The following SUGT1 variants were observed in gnomAD, a reference collection of about 807,000 sequenced individuals.
SUGT1 encodes protein SGT1 homolog.
Under a neutral mutation model 56.1 loss-of-function variants are expected in SUGT1, and 15 were observed. The observed-to-expected ratio is 0.27, with a 90% confidence interval of 0.18 to 0.41. The LOEUF is 0.41. Ranked by LOEUF, SUGT1 falls within the 10% of genes least tolerant of loss-of-function variation. The pLI, the probability that SUGT1 is intolerant of heterozygous loss-of-function variation, is 1.00. For synonymous variants in SUGT1, 123 were observed against 128.6 expected, an observed-to-expected ratio of 0.96 and a Z score of 0.30; for missense variants, 347 against 382.2, an observed-to-expected ratio of 0.91 and a Z score of 0.77.
chr13:52,658,130 T>C (rs1317643030), intron 3 of SUGT1: 4 of 1,356,158 alleles, frequency 2.9e-6, no homozygotes, highest in East Asian at 3.6e-5. Flanking sequence ...TAAAATTACA[T>C]AGAAAATGTT....
chr13:52,659,101 A>G, intron 4 of SUGT1, 78 bp from the exon 5 acceptor site: 2 of 1,203,832 alleles, frequency 1.7e-6, no homozygotes, highest in Non-Finnish European at 2.3e-6. Flanking sequence ...AGTAGAAAAT[A>G]CTAAGTTTTT....
At chr13:52,666,625 G>A (rs1394322738) in intron 9 of SUGT1, among the ~76,000 whole-genome samples, 187 bp from the exon 10 acceptor site, 2 of 151,962 alleles carry the variant, frequency 1.3e-5, no homozygotes, top group Non-Finnish European at 2.9e-5. Flanking sequence ...TCATGTCAAG[G>A]ATACCAGATG....
chr13:52,663,106 T>C lies in SUGT1; in HGVS notation c.393T>C (p.Ser131=). The C allele has an allele frequency of 6.2e-7, 1 of 1,608,994 alleles. No individual in the cohort carries two copies. Among genetic ancestry groups the C allele is most frequent in the Non-Finnish European group, 8.5e-7 (1 of 1,178,334 alleles). The change falls in exon 7 of 13, where the codon TCT becomes TCC. Residue 131 remains serine, a synonymous_variant. Coordinates refer to ENST00000310528, the MANE Select transcript of SUGT1 (RefSeq NM_006704.5). The part of the protein sequence containing the change: ...RCQEAQNGSE[S]EVWTHQSKIK... ...TTTATGTTTTAATAGGCTCAGAATCTGAGGTGGTAAGTCCAAAGTTTTCAT... is the reference window on the plus strand; with the variant it reads ...TTTATGTTTTAATAGGCTCAGAATCCGAGGTGGTAAGTCCAAAGTTTTCAT...
chr13:52,684,573 C>T (rs1053617037), intron 12 of SUGT1, among the ~76,000 whole-genome samples: 1 of 152,184 alleles, frequency 6.6e-6, no homozygotes. Flanking sequence ...GGGTCTCCCT[C>T]TGTCGCCCAG....
intron 12 of SUGT1, among the ~76,000 whole-genome samples, chr13:52,683,300 A>G (rs1478793832): frequency 1.3e-5 from 2 of 151,892 alleles, no homozygotes; most frequent in Non-Finnish European, 2.9e-5. Context: ...ATTTTTCTGA[A>G]ATTTTTTTAT....
At chr13:52,665,922 G>A (rs1311160072) in intron 9 of SUGT1, among the ~76,000 whole-genome samples, 189 bp downstream of exon 9, 1 of 152,156 alleles carries the variant, frequency 6.6e-6, no homozygotes, top group Non-Finnish European at 1.5e-5. Context: ...ATAGCTGGAT[G>A]TGCATTTTTT....
In SUGT1 at chr13:52,688,064, A is replaced by G. The variant is rs879573224; in HGVS notation, c.*229A>G. On this transcript the variant is annotated 3_prime_UTR_variant, in exon 13 of 13. Transcript: ENST00000310528. ...GGTTTCAGACATGGTGAAACTGAAT[A>G]AAGCATGTCATTTGCTCCTAGATAG... The G allele has an allele frequency of 3.4e-6, 1 of 296,842 alleles. No individual in the cohort carries two copies. Among genetic ancestry groups the G allele is most frequent in the Non-Finnish European group, 6.2e-6 (1 of 161,238 alleles). 18.4% of individuals were successfully genotyped at this position (296,842 alleles called of 1,614,324 possible). A position where few individuals can be genotyped will look rare whatever the true frequency, so the allele number is the denominator to read the frequency against.
At chr13:52,664,181 T>C in intron 8 of SUGT1, 124 bp downstream of exon 8, 1 of 999,886 alleles carries the variant, frequency 1.0e-6, no homozygotes. Flanking sequence ...TTTTCTAAAA[T>C]TGTGTAATAG....
Position 52,665,708 on chromosome 13 carries a change from T to G in SUGT1, c.494T>G (p.Val165Gly). 1 of 1,605,000 alleles carries G rather than the reference T, an allele frequency of 6.2e-7. No homozygotes were observed. The highest frequency in any genetic ancestry group is 8.5e-7 in the Non-Finnish European group (1 of 1,177,432). Residue 165 changes from valine to glycine, a missense_variant, in exon 9 of 13, where the codon GTA (valine) becomes GGA (glycine). Physicochemically the swap from Val to Gly is moderately radical, Grantham distance 109 (BLOSUM62 -3). Coordinates refer to ENST00000310528, the MANE Select transcript of SUGT1 (RefSeq NM_006704.5). ...LMIKNVQKND[V>G]NVEFSEKELS... ...ATCAAGAATGTTCAGAAGAATGATG[T>G]AAATGTGGAATTTTCAGAAAAAGAG...
At chr13:52,662,769 T>G in intron 6 of SUGT1, 67 bp downstream of exon 6, 1 of 1,508,816 alleles carries the variant, frequency 6.6e-7, no homozygotes, top group Non-Finnish European at 9.0e-7. Flanking sequence ...TTTTTTTGGT[T>G]TAAACAAATT....
rs1962726753 is a variant in SUGT1 at position 52,666,872 on chromosome 13, C to T, written c.580C>T (p.His194Tyr). The change falls in exon 10 of 13, where the codon CAT (histidine) becomes TAT (tyrosine). Residue 194 changes from histidine to tyrosine, a missense_variant. Transcript: ENST00000310528. Reference protein sequence around the residue: ...EDYNLKLELLHPIIPEQSTFK... With the variant: ...EDYNLKLELLYPIIPEQSTFK... ...TTACAATTTGAAACTGGAACTTCTT[C>T]ATCCTATAATACCAGAACAGAGCAC... 1.2e-6 allele frequency: 2 copies of T among 1,613,394 alleles called. No individual in the cohort carries two copies. The highest frequency in any genetic ancestry group is 1.7e-6 in the Non-Finnish European group (2 of 1,179,664).
chr13:52,688,996 A>G lies in SUGT1; in HGVS notation c.*1161A>G, dbSNP rs575587058. 1 of 152,298 alleles carries G rather than the reference A, an allele frequency of 6.6e-6. No homozygotes were observed. Among genetic ancestry groups the G allele is most frequent in the Non-Finnish European group, 1.5e-5 (1 of 68,056 alleles). The allele number at this position is 152,298 out of a possible 1,614,324, so 9.4% of individuals were successfully genotyped here. ...GATTTTCTCAACTGTAATACCCCAG[A>G]TGTTGGTCTCAGCTCTGTTAGGTGT... On this transcript the variant is annotated 3_prime_UTR_variant, in exon 13 of 13. Transcript: ENST00000310528.
intron 12 of SUGT1, among the ~76,000 whole-genome samples, chr13:52,685,134 A>T (rs1485977262): frequency 6.6e-6 from 1 of 150,428 alleles, no homozygotes; most frequent in Non-Finnish European, 1.5e-5. Context: ...AGGTGCGATC[A>T]TGAATCATTG....
At position 52,699,523 on chromosome 13, in the gene SUGT1, G is replaced by A. The variant is rs1263534553; in HGVS notation, c.*11688G>A. The A allele has an allele frequency of 1.3e-5, 2 of 152,126 alleles. No homozygotes were observed. Among genetic ancestry groups the A allele is most frequent in the Non-Finnish European group, 2.9e-5 (2 of 68,010 alleles). 9.4% of individuals were successfully genotyped at this position (152,126 alleles called of 1,614,324 possible). On this transcript the variant is annotated 3_prime_UTR_variant, in exon 13 of 13. Transcript: ENST00000310528. ...AGTAGGCCGAGTAGAATTTGTGTTA[G>A]GGCACATCCCATGGAGATCTTTTTT...
intron 8 of SUGT1, among the ~76,000 whole-genome samples, chr13:52,664,410 A>G (rs1315486344): frequency 1.3e-5 from 2 of 152,218 alleles, no homozygotes; most frequent in Admixed American, 6.5e-5. Flanking sequence ...TGCCTTTTAT[A>G]TTTGGAGCAA....
rs1008199121 is a variant in SUGT1, at chr13:52,681,615, T to A, written c.900+1460T>A. On this transcript the variant is annotated intron_variant, in intron 12 of 12. Coordinates refer to ENST00000310528, the MANE Select transcript of SUGT1 (RefSeq NM_006704.5). ...ACCTTTAATCCCAGTGCTTTGGGAG[T>A]CTGAGGCCACAGGATCCCTTGAGGC... Among the ~76,000 whole-genome samples the A allele has an allele frequency of 2.6e-5, 4 of 151,818 alleles. No homozygotes were observed. In the South Asian group the frequency reaches 6.3e-4, roughly 24 times the overall value.
intron 10 of SUGT1, among the ~76,000 whole-genome samples, chr13:52,673,278 A>G (rs1963013615): frequency 6.8e-6 from 1 of 147,320 alleles, no homozygotes; most frequent in Non-Finnish European, 1.5e-5. Flanking sequence ...ATAGGGTCTC[A>G]CTCTGTTGCC....
intron 2 of SUGT1, among the ~76,000 whole-genome samples, chr13:52,657,141 T>C (rs1411730396): frequency 6.6e-6 from 1 of 152,224 alleles, no homozygotes; most frequent in African/African-American, 2.4e-5. Context: ...TTGCACAGCT[T>C]AACATTTTCT....
Position 52,679,987 on chromosome 13 carries a change from A to G in SUGT1, c.732A>G (p.Leu244=), listed in dbSNP as rs201855574. 1.1e-5 allele frequency: 18 copies of G among 1,594,976 alleles called. No homozygotes were observed. Among genetic ancestry groups the G allele is most frequent in the African/African-American group, 8.2e-5 (6 of 73,470 alleles). ...PKQFVADVKN[L]YPSSSPYTRN... ...TTTACTTCATAGATGTAAAGAACCT[A>G]TATCCATCATCATCTCCTTATACAA... The change falls in exon 12 of 13, where the codon CTA becomes CTG. Residue 244 remains leucine, a synonymous_variant. Coordinates refer to ENST00000310528, the MANE Select transcript of SUGT1 (RefSeq NM_006704.5).
Sources: gnomAD v4.1 joint callset for allele counts (sites outside exome capture counted in the v4.1 genomes callset) on GRCh38, gnomAD v4.1.1 for gene constraint, MANE v1.5 for transcripts, NCBI Gene and HGNC (gene_info 2026-07-23, HGNC 2026-07-21) for gene names.